Variants in SCO1 observed in about 807,000 individuals in gnomAD.
SCO1 encodes the protein cytochrome c oxidase assembly factor SCO1.
In SCO1, 23 loss-of-function variants were observed where a neutral mutation model predicts 34.0. The observed-to-expected ratio is 0.68, with a 90% CI of 0.49 to 0.96. The LOEUF is 0.96. Ranked by LOEUF, SCO1 falls within the 40% of genes least tolerant of loss-of-function variation. SCO1 has a pLI of 0.00. For synonymous variants in SCO1, 161 were observed against 145.5 expected (o/e 1.11, Z -0.77); for missense variants, 404 against 381.6 (o/e 1.06, Z -0.49).
chr17:10,682,002 C>G (rs551942517), intron 5 of SCO1, among the ~76,000 whole-genome samples: 6 of 152,274 alleles, frequency 3.9e-5, no homozygotes, highest in African/African-American at 1.4e-4. Context: ...ATAAATGCTG[C>G]CCCCCTAACC....
rs1445752933 is a variant in SCO1, at chr17:10,697,340, C to G, written c.168G>C (p.Gly56=). 8.9e-6 allele frequency: 14 copies of G among 1,576,806 alleles called. No homozygotes were observed. Among genetic ancestry groups the G allele is most frequent in the Non-Finnish European group, 1.2e-5 (14 of 1,161,914 alleles). ...ARQAEAWRAS[G]RPGYCLGTRP... is the part of the protein sequence containing the mutation. ...GGGTTCCCAGGCAATAGCCAGGGCG[C>G]CCCGAGGCACGCCACGCCTCCGCTT... Residue 56 remains glycine, a synonymous_variant, in exon 1 of 6, where the codon GGG becomes GGC. Transcript: ENST00000255390.
Position 10,681,021 on chromosome 17 carries a change from G to T in SCO1, c.*98C>A. On this transcript the variant is annotated 3_prime_UTR_variant, in exon 6 of 6. Transcript: ENST00000255390. The stretch of plus-strand genomic sequence containing the variant: ...CTCATGGTATGAAGGCCATTCTGTA[G>T]AGTGCACGTATATATGTTTATATTT... The T allele has an allele frequency of 7.2e-7, 1 of 1,381,636 alleles. No homozygotes were observed. The allele number at this position is 1,381,636 out of a possible 1,614,324, so 85.6% of individuals were successfully genotyped here. A position where few individuals can be genotyped will look rare whatever the true frequency, so the allele number is the denominator to read the frequency against.
rs1240127956 is a variant in SCO1 at position 10,679,239 on chromosome 17, T to G, written c.*1880A>C. Reference sequence around the variant, plus strand: ...CTGGGATTACAGGCATAAGCCACTGTGCCCAGCTAATCTATTATTTTAAGA... The same window carrying G: ...CTGGGATTACAGGCATAAGCCACTGGGCCCAGCTAATCTATTATTTTAAGA... On this transcript the variant is annotated 3_prime_UTR_variant, in exon 6 of 6. Transcript: ENST00000255390. 6.6e-6 allele frequency: 1 copy of G among 152,232 alleles called. No individual in the cohort carries two copies. The highest frequency in any genetic ancestry group is 1.5e-5 in the Non-Finnish European group (1 of 68,064). The allele number at this position is 152,232 out of a possible 1,614,324, so 9.4% of individuals were successfully genotyped here. A position where few individuals can be genotyped will look rare whatever the true frequency, so the allele number is the denominator to read the frequency against.
intron 5 of SCO1, among the ~76,000 whole-genome samples, chr17:10,683,723 T>C (rs1030503802): frequency 2.3e-4 from 35 of 150,022 alleles, no homozygotes; most frequent in Non-Finnish European, 4.1e-4. Context: ...AATATCTATA[T>C]AATAATATAG....
At chr17:10,691,600 A>AAT (rs1382713825) in intron 4 of SCO1, among the ~76,000 whole-genome samples, 32 of 152,360 alleles carry the variant, frequency 2.1e-4, no homozygotes, top group Non-Finnish European at 2.9e-4. Flanking sequence ...TCTCAATTCA[A>AAT]GGCTCGATTA....
Position 10,679,439 on chromosome 17 carries a change from A to T in SCO1, c.*1680T>A, listed in dbSNP as rs1336465426. The T allele has an allele frequency of 3.3e-5, 5 of 152,182 alleles. No individual in the cohort carries two copies. The highest frequency in any genetic ancestry group is 2.9e-5 in the Non-Finnish European group (2 of 68,020). The allele number at this position is 152,182 out of a possible 1,614,324, so 9.4% of individuals were successfully genotyped here. A position where few individuals can be genotyped will look rare whatever the true frequency, so the allele number is the denominator to read the frequency against. ...TAACTAGCATAGTTTTTTTTCACAT[A>T]CTTTTACTTTGATATATTTAGGTTT... On this transcript the variant is annotated 3_prime_UTR_variant, in exon 6 of 6. Coordinates refer to ENST00000255390, the MANE Select transcript of SCO1 (RefSeq NM_004589.4).
At chr17:10,696,467 A>C (rs558957219) in intron 1 of SCO1, among the ~76,000 whole-genome samples, 38 of 152,102 alleles carry the variant, frequency 2.5e-4, no homozygotes, top group Non-Finnish European at 4.4e-4. Context: ...AAAATCCAAA[A>C]ACACACACAC....
Position 10,697,496 on chromosome 17 carries a change from C to T in SCO1, c.12G>A (p.Leu4=). 2 of 1,613,428 alleles carry T rather than the reference C, an allele frequency of 1.2e-6. No individual in the cohort carries two copies. The highest frequency in any genetic ancestry group is 1.1e-5 in the South Asian group (1 of 91,052). MAM[L]VLVPGRVMRP... is the part of the protein sequence containing the mutation. ...GCATAACTCGTCCGGGTACTAGGAC[C>T]AGCATCGCCATGAGCCTCGGAGACC... The change falls in exon 1 of 6, where the codon CTG becomes CTA. Residue 4 remains leucine (L), a synonymous_variant. Coordinates refer to ENST00000255390, the MANE Select transcript of SCO1 (RefSeq NM_004589.4).
At chr17:10,692,531 G>T (rs887780685) in intron 3 of SCO1, among the ~76,000 whole-genome samples, 3 of 152,176 alleles carry the variant, frequency 2.0e-5, no homozygotes, top group Non-Finnish European at 4.4e-5. Context: ...GTAGAGTTAA[G>T]GGAGACCACA....
At chr17:10,690,068 G>C (rs1433483228) in intron 4 of SCO1, among the ~76,000 whole-genome samples, 2 of 152,130 alleles carry the variant, frequency 1.3e-5, no homozygotes, top group African/African-American at 4.8e-5. Flanking sequence ...AAAGACAAAT[G>C]GAAGATCTGC....
intron 5 of SCO1, among the ~76,000 whole-genome samples, chr17:10,684,607 TTCTGAC>T (rs2074643456): frequency 6.6e-6 from 1 of 152,226 alleles, no homozygotes; most frequent in African/African-American, 2.4e-5. Flanking sequence ...TGATTTGACT[TTCTGAC>T]TCTGAGTTAT....
chr17:10,694,375 T>C (rs974193716), intron 2 of SCO1, among the ~76,000 whole-genome samples: 1 of 152,104 alleles, frequency 6.6e-6, no homozygotes, highest in Non-Finnish European at 1.5e-5. Context: ...AGACATCAAG[T>C]GGCAAAACTT....
intron 5 of SCO1, 130 bp from the exon 6 acceptor site, chr17:10,681,383 T>G: frequency 3.0e-6 from 3 of 1,013,520 alleles, no homozygotes; most frequent in Non-Finnish European, 4.5e-6. Flanking sequence ...CTATTATTTA[T>G]GGAATAGGCT....
In SCO1 at chr17:10,681,020, A is replaced by G; in HGVS notation, c.*99T>C. The G allele has an allele frequency of 1.5e-6, 2 of 1,317,538 alleles. No homozygotes were observed. The highest frequency in any genetic ancestry group is 2.2e-6 in the Non-Finnish European group (2 of 912,254). 81.6% of individuals were successfully genotyped at this position (1,317,538 alleles called of 1,614,324 possible). A position where few individuals can be genotyped will look rare whatever the true frequency, so the allele number is the denominator to read the frequency against. On this transcript the variant is annotated 3_prime_UTR_variant, in exon 6 of 6. Transcript: ENST00000255390. ...TCTCATGGTATGAAGGCCATTCTGT[A>G]GAGTGCACGTATATATGTTTATATT...
chr17:10,686,724 C>G lies in SCO1; in HGVS notation c.771+3G>C, dbSNP rs376237477. 5.1e-6 allele frequency: 8 copies of G among 1,569,170 alleles called. No homozygotes were observed. The African/African-American group carries it at 9.5e-5, about 19-fold the overall frequency. On this transcript the variant is annotated splice_donor_region_variant and intron_variant, in intron 5 of 5. Coordinates refer to ENST00000255390, the MANE Select transcript of SCO1 (RefSeq NM_004589.4). ...ATGGGTTAAAACTGGAACATTTACT[C>G]ACTATGTAGTCTTCATCTTCGTCCT...
intron 4 of SCO1, 42 bp downstream of exon 4, chr17:10,691,830 C>G (rs758936387): frequency 7.4e-7 from 1 of 1,353,932 alleles, no homozygotes; most frequent in South Asian, 1.2e-5. Flanking sequence ...ATTCCAAAAA[C>G]TTTAAGGCTA....
At chr17:10,686,581 CAAAAAAA>C in intron 5 of SCO1, 139 bp downstream of exon 5, 1 of 520,214 alleles carries the variant, frequency 1.9e-6, no homozygotes, top group East Asian at 3.3e-5. Flanking sequence ...GACTCCATCT[CAAAAAAA>C]AAAAAAAAAA....
In SCO1 at chr17:10,695,740, C is replaced by T. The variant is rs2074718368; in HGVS notation, c.364+1G>A. On this transcript the variant is annotated splice_donor_variant, in intron 2 of 5. Transcript: ENST00000255390. LOFTEE classifies it high-confidence loss of function. ...GGCTGAGCAGATGATAATCTACTTA[C>T]TCTCTGCCTTTTCTTTCTTGACGTG... is the stretch of plus-strand genomic sequence containing the variant. The T allele has an allele frequency of 6.3e-7, 1 of 1,599,548 alleles. No individual in the cohort carries two copies. The highest frequency in any genetic ancestry group is 8.6e-7 in the Non-Finnish European group (1 of 1,166,994).
rs2151449892 is a variant in SCO1 at position 10,678,251 on chromosome 17, A to C, written c.*2868T>G. On this transcript the variant is annotated 3_prime_UTR_variant, in exon 6 of 6. Transcript: ENST00000255390. Reference sequence around the variant, plus strand: ...GTCACCATAAGCGCACGATAGCAGCAGAACAAACAGGAACCTACCTAGAAA... The same window carrying C: ...GTCACCATAAGCGCACGATAGCAGCCGAACAAACAGGAACCTACCTAGAAA... The C allele has an allele frequency of 6.6e-6, 1 of 152,386 alleles. No homozygotes were observed. The highest frequency in any genetic ancestry group is 1.9e-4 in the East Asian group (1 of 5,188). The allele number at this position is 152,386 out of a possible 1,614,324, so 9.4% of individuals were successfully genotyped here.
Sources: allele counts gnomAD v4.1 joint callset (sites outside exome capture counted in the v4.1 genomes callset), GRCh38; gene constraint gnomAD v4.1.1; transcripts MANE v1.5; gene names NCBI Gene and HGNC (gene_info 2026-07-23, HGNC 2026-07-21).